Variants in BNC2 observed in about 807,000 individuals in gnomAD.
The protein encoded by BNC2 is basonuclin zinc finger protein 2, also known as zinc finger protein basonuclin-2.
BNC2 carries 20 observed loss-of-function variants against 76.3 expected under a neutral mutation model. The observed-to-expected ratio is 0.26, with a 90% CI of 0.18 to 0.38. The LOEUF (loss-of-function observed/expected upper bound fraction) is 0.38. Ranked by LOEUF, BNC2 falls within the 10% of genes least tolerant of loss-of-function variation. The pLI is 1.00. For missense variants in BNC2, 1,382 were observed against 1,399.8 expected, an observed-to-expected ratio of 0.99 and a Z score of 0.20; for synonymous variants, 582 against 514.8, an observed-to-expected ratio of 1.13 and a Z score of -1.77.
At chr9:16,802,064 G>A (rs1039688476) in intron 1 of BNC2, among the ~76,000 whole-genome samples, 1 of 152,076 alleles carries the variant, frequency 6.6e-6, no homozygotes, top group Admixed American at 6.5e-5. Flanking sequence ...AAAATAAAAC[G>A]ACTGTCTTCC....
At chr9:16,593,132 A>G (rs1176787027) in intron 3 of BNC2, among the ~76,000 whole-genome samples, 1 of 151,492 alleles carries the variant, frequency 6.6e-6, no homozygotes, top group African/African-American at 2.4e-5. Context: ...CATGTATACC[A>G]GCAAAAAAAA....
At chr9:16,593,402 C>T (rs1239175502) in intron 3 of BNC2, among the ~76,000 whole-genome samples, 12 of 151,902 alleles carry the variant, frequency 7.9e-5, no homozygotes, top group African/African-American at 4.8e-5. Context: ...TACTATCAAT[C>T]GATATAAGAA....
intron 1 of BNC2, among the ~76,000 whole-genome samples, chr9:16,851,361 C>T (rs1819123260): frequency 6.6e-6 from 1 of 151,924 alleles, no homozygotes. Context: ...AAAAACTTAC[C>T]CAGGCATGAT....
At chr9:16,506,511 C>CTTTTTTTTT (rs1563814965) in intron 5 of BNC2, among the ~76,000 whole-genome samples, 1 of 81,428 alleles carries the variant, frequency 1.2e-5, no homozygotes, top group African/African-American at 5.5e-5. Context: ...TCTCTCTCTC[C>CTTTTTTTTT]TCTTTTTTTT....
At chr9:16,553,066 T>C (rs1163093787) in intron 4 of BNC2, among the ~76,000 whole-genome samples, 1 of 152,148 alleles carries the variant, frequency 6.6e-6, no homozygotes, top group East Asian at 1.9e-4. Flanking sequence ...CAAATGACCG[T>C]GGCTGGTGCT....
intron 1 of BNC2, among the ~76,000 whole-genome samples, chr9:16,818,133 G>A (rs939174199): frequency 2.0e-5 from 3 of 152,172 alleles, no homozygotes; most frequent in Admixed American, 6.5e-5. Flanking sequence ...GGCCGGGCAC[G>A]GTGGCTCACG....
At chr9:16,465,254 G>A (rs1020509803) in intron 5 of BNC2, among the ~76,000 whole-genome samples, 4 of 152,042 alleles carry the variant, frequency 2.6e-5, no homozygotes, top group Non-Finnish European at 4.4e-5. Context: ...TGGCCAACAT[G>A]GCAAAACCCC....
chr9:16,649,015 A>C (rs1452673934), intron 3 of BNC2, among the ~76,000 whole-genome samples: 1 of 152,230 alleles, frequency 6.6e-6, no homozygotes, highest in Admixed American at 6.5e-5. Context: ...TCTGTATGAA[A>C]GACAAAAACA....
chr9:16,474,673 C>T (rs1186194407), intron 5 of BNC2, among the ~76,000 whole-genome samples: 1 of 152,088 alleles, frequency 6.6e-6, no homozygotes, highest in Non-Finnish European at 1.5e-5. Context: ...AGTTTATCTT[C>T]ATATAGTGTA....
chr9:16,723,549 A>G (rs1002368492), intron 3 of BNC2, among the ~76,000 whole-genome samples: 5 of 151,992 alleles, frequency 3.3e-5, no homozygotes, highest in African/African-American at 1.2e-4. Context: ...GATTCCAGAA[A>G]CTGAGATTGT....
intron 5 of BNC2, among the ~76,000 whole-genome samples, chr9:16,499,855 T>C (rs1212629507): frequency 6.6e-6 from 1 of 152,016 alleles, no homozygotes; most frequent in Non-Finnish European, 1.5e-5. Context: ...TAAATAGCCT[T>C]CTAATTGGTT....
chr9:16,608,006 C>T (rs1394539903), intron 3 of BNC2, among the ~76,000 whole-genome samples: 1 of 152,096 alleles, frequency 6.6e-6, no homozygotes, highest in Non-Finnish European at 1.5e-5. Flanking sequence ...ATCAGTCACA[C>T]TGCCAGAAGG....
intron 3 of BNC2, among the ~76,000 whole-genome samples, chr9:16,698,442 G>A (rs1012345869): frequency 7.9e-5 from 12 of 152,202 alleles, no homozygotes; most frequent in East Asian, 1.9e-4. Flanking sequence ...TGTAATCCCA[G>A]CACTTTGGGA....
Position 16,651,878 on chromosome 9 carries a change from G to A in BNC2, c.331-68793C>T, listed in dbSNP as rs369906941. ...ACATATACGGAGAAGAGAGAAAGAC[G>A]ATTAGCATGTATATATTAAAATAAA... is the stretch of plus-strand genomic sequence containing the variant. On this transcript the variant is annotated intron_variant, in intron 3 of 6. Transcript: ENST00000380672. 6.6e-5 allele frequency among the ~76,000 whole-genome samples: 10 copies of A among 152,248 alleles called. No homozygotes were observed. The East Asian group carries it at 7.7e-4, about 12-fold the overall frequency.
chr9:16,835,360 C>T (rs1818682480), intron 1 of BNC2, among the ~76,000 whole-genome samples: 1 of 152,076 alleles, frequency 6.6e-6, no homozygotes, highest in Non-Finnish European at 1.5e-5. Flanking sequence ...CATTATTATC[C>T]TTATTTGATA....
intron 5 of BNC2, among the ~76,000 whole-genome samples, chr9:16,489,874 G>A (rs923029272): frequency 1.3e-5 from 2 of 152,088 alleles, no homozygotes; most frequent in African/African-American, 2.4e-5. Flanking sequence ...CAAAACTACC[G>A]GCAGTAGAAC....
chr9:16,499,089 T>A (rs964083080), intron 5 of BNC2, among the ~76,000 whole-genome samples: 3 of 152,230 alleles, frequency 2.0e-5, no homozygotes, highest in African/African-American at 7.2e-5. Flanking sequence ...ATTCCCATTT[T>A]AAAATATGGA....
intron 4 of BNC2, among the ~76,000 whole-genome samples, chr9:16,566,691 G>T (rs1221287630): frequency 6.6e-6 from 1 of 152,138 alleles, no homozygotes; most frequent in Non-Finnish European, 1.5e-5. Flanking sequence ...CAAATCACTA[G>T]ATTTGTGATC....
chr9:16,501,097 A>G (rs1220772741), intron 5 of BNC2, among the ~76,000 whole-genome samples: 1 of 144,306 alleles, frequency 6.9e-6, no homozygotes, highest in Admixed American at 6.9e-5. Flanking sequence ...TTTGTAAAAT[A>G]AAGTTAGTAA....
Sources: allele counts gnomAD v4.1 joint callset (sites outside exome capture counted in the v4.1 genomes callset), GRCh38; gene constraint gnomAD v4.1.1; transcripts MANE v1.5; gene names NCBI Gene and HGNC (gene_info 2026-07-23, HGNC 2026-07-21).